HMX1: variants seen among roughly 807,000 people sequenced by gnomAD.
The protein encoded by HMX1 is H6 family homeobox 1.
A neutral mutation model predicts 8.9 loss-of-function variants in HMX1; 8 were observed. The ratio of observed to expected loss-of-function variants is 0.90; its 90% CI spans 0.53 to 1.63. The LOEUF is 1.63. Ranked by LOEUF, HMX1 falls within the 40% of genes most tolerant of loss-of-function variation. HMX1 has a pLI of 0.00. For synonymous variants in HMX1, 311 were observed against 283.4 expected, an observed-to-expected ratio of 1.10 and a Z score of -0.98; for missense variants, 621 against 558.5, an observed-to-expected ratio of 1.11 and a Z score of -1.13.
At position 8,871,175 on chromosome 4, in the gene HMX1, A is replaced by G. The variant is rs1253287349; in HGVS notation, c.394+46T>C. On this transcript the variant is annotated intron_variant, in intron 1 of 1. Coordinates refer to ENST00000400677, the MANE Select transcript of HMX1 (RefSeq NM_018942.3). This position sits in a 1 kb window ranked among gnomAD's most constrained non-coding sequence, Gnocchi z 4.8. ...TCCCCCAGCAAATGCGCAGGGAGGA[A>G]GTCGGGCCCCACCGCCTGACCCACC... The G allele has an allele frequency of 3.7e-6, 5 of 1,349,596 alleles. No homozygotes were observed. The highest frequency in any genetic ancestry group is 6.8e-5 in the Admixed American group (2 of 29,370). The allele number at this position is 1,349,596 out of a possible 1,614,324, so 83.6% of individuals were successfully genotyped here.
At chr4:8,864,121 C>T (rs1263093889), downstream of HMX1, among the ~76,000 whole-genome samples, 1 of 152,210 alleles carries the variant, frequency 6.6e-6, no homozygotes, top group Non-Finnish European at 1.5e-5. Context: ...CCCACCACAG[C>T]ATGGGCCCTG....
At position 8,849,898 on chromosome 4, in the gene HMX1, T is replaced by C. The variant is rs568032514; in HGVS notation, c.395-3574A>G. 1.3e-5 allele frequency among the ~76,000 whole-genome samples: 2 copies of C among 152,332 alleles called. No individual in the cohort carries two copies. The highest frequency in any genetic ancestry group is 4.1e-4 in the South Asian group (2 of 4,834). On this transcript the variant is annotated intron_variant, in intron 1 of 1. Transcript: ENST00000506970. This position sits in a 1 kb window ranked among gnomAD's most constrained non-coding sequence, Gnocchi z 6.6. ...ATGAGGGTTCTCTGCCCTTGCTTCC[T>C]GTCAGGGGGGCCCGATGGGAGGGAC...
Position 8,867,457 on chromosome 4 carries a change from C to A in HMX1, c.*236G>T. 1 of 1,136,656 alleles carries A rather than the reference C, an allele frequency of 8.8e-7. No homozygotes were observed. The highest frequency in any genetic ancestry group is 1.1e-6 in the Non-Finnish European group (1 of 928,026). The allele number at this position is 1,136,656 out of a possible 1,614,324, so 70.4% of individuals were successfully genotyped here. A position where few individuals can be genotyped will look rare whatever the true frequency, so the allele number is the denominator to read the frequency against. ...GCGCAGCCCAGAGTCTCTGCATGGCCCCCTGTTCGAGTGGGGATCCAGCCT... is the reference window on the plus strand; with the variant it reads ...GCGCAGCCCAGAGTCTCTGCATGGCACCCTGTTCGAGTGGGGATCCAGCCT... On this transcript the variant is annotated 3_prime_UTR_variant, in exon 2 of 2. Transcript: ENST00000400677.
intron 1 of HMX1, among the ~76,000 whole-genome samples, chr4:8,860,996 C>A (rs1372103200): frequency 2.6e-5 from 3 of 116,152 alleles, no homozygotes; most frequent in Non-Finnish European, 5.4e-5. Flanking sequence ...GGGCCGGAAC[C>A]GCGGGGAGGG....
chr4:8,850,388 G>A (rs921926044), intron 1 of HMX1, among the ~76,000 whole-genome samples: 2 of 152,054 alleles, frequency 1.3e-5, no homozygotes, highest in African/African-American at 4.8e-5. Context: ...CCACCGCCCC[G>A]GTCTCCACTG....
At chr4:8,855,021 G>A (rs564160245) in intron 1 of HMX1, among the ~76,000 whole-genome samples, 1 of 152,328 alleles carries the variant, frequency 6.6e-6, no homozygotes, top group Non-Finnish European at 1.5e-5. Flanking sequence ...AGTACAGTGA[G>A]TCACCACACA....
chr4:8,852,091 C>A lies in HMX1; in HGVS notation c.395-5767G>T, dbSNP rs188984108. Among the ~76,000 whole-genome samples, 73 of 152,378 alleles carry A rather than the reference C, an allele frequency of 4.8e-4. 1 individual carries two copies. The highest frequency in any genetic ancestry group is 1.6e-3 in the African/African-American group (66 of 41,598). On this transcript the variant is annotated intron_variant, in intron 1 of 1. Coordinates refer to the HMX1 transcript ENST00000506970. ...CTCTCCTGACCCTTCCAAGCCCCGG[C>A]TCTGGCTCCAAGGGGCTGTGGGCAA...
chr4:8,862,675 GTTGGA>G (rs1721867006), downstream of HMX1, among the ~76,000 whole-genome samples: 1 of 152,232 alleles, frequency 6.6e-6, no homozygotes, highest in Admixed American at 6.5e-5. Flanking sequence ...GGCTTTTGAT[GTTGGA>G]AGTGCAGACG....
Position 8,853,975 on chromosome 4 carries a change from C to A in HMX1, c.395-7651G>T, listed in dbSNP as rs375273750. Among the ~76,000 whole-genome samples, 10 of 152,132 alleles carry A rather than the reference C, an allele frequency of 6.6e-5. No homozygotes were observed. The highest frequency in any genetic ancestry group is 2.2e-4 in the African/African-American group (9 of 41,422). On this transcript the variant is annotated intron_variant, in intron 1 of 1. Coordinates refer to the HMX1 transcript ENST00000506970. The surrounding 1 kb of genome is among the most constrained non-coding windows in gnomAD (Gnocchi z 4.7). Reference sequence around the variant, plus strand: ...TTGCTTTTGCGTTTACATCTTGAACCAGCCTGAGAGGAAGTGTGTGCCCTG... The same window carrying A: ...TTGCTTTTGCGTTTACATCTTGAACAAGCCTGAGAGGAAGTGTGTGCCCTG...
At chr4:8,855,899 G>T (rs1260403659) in intron 1 of HMX1, among the ~76,000 whole-genome samples, 1 of 152,186 alleles carries the variant, frequency 6.6e-6, no homozygotes, top group Non-Finnish European at 1.5e-5. Context: ...TTCCTGTACG[G>T]GGCCAGCCTG....
At chr4:8,851,676 A>G (rs949239576) in intron 1 of HMX1, among the ~76,000 whole-genome samples, 1 of 152,202 alleles carries the variant, frequency 6.6e-6, no homozygotes, top group African/African-American at 2.4e-5. Context: ...CTCAGGCATG[A>G]ATCTGCCATG....
chr4:8,871,519 T>C lies in HMX1; in HGVS notation c.96A>G (p.Ala32=). 7.5e-7 allele frequency: 1 copy of C among 1,337,634 alleles called. No individual in the cohort carries two copies. Among genetic ancestry groups the C allele is most frequent in the South Asian group, 1.7e-5 (1 of 59,590 alleles). The allele number at this position is 1,337,634 out of a possible 1,614,324, so 82.9% of individuals were successfully genotyped here. The change falls in exon 1 of 2, where the codon GCA becomes GCG. Residue 32 remains alanine (A), a synonymous_variant. Coordinates refer to ENST00000400677, the MANE Select transcript of HMX1 (RefSeq NM_018942.3). This position sits in a 1 kb window ranked among gnomAD's most constrained non-coding sequence, Gnocchi z 4.8. ...TGCCGTCGCCCTGGGTCGCGCGCCC[T>C]GCGCCCTTGGCCTCGGCCGCCAGCA... ...ENLLAAEAKG[A]GRATQGDGSR...
At chr4:8,863,566 G>T (rs1180031448), downstream of HMX1, among the ~76,000 whole-genome samples, 1 of 152,260 alleles carries the variant, frequency 6.6e-6, no homozygotes, top group Non-Finnish European at 1.5e-5. Context: ...CGCCTGAATG[G>T]GAGTCGGCGG....
At chr4:8,846,324 C>T (rs1311913154) in exon 2 of HMX1, 1 of 1,533,852 alleles carries the variant, frequency 6.5e-7, no homozygotes. Context: ...CTTCTGTGTG[C>T]CTGCAGGGGA....
intron 1 of HMX1, among the ~76,000 whole-genome samples, chr4:8,859,585 C>CACCCT (rs1337517787): frequency 7.2e-5 from 11 of 152,136 alleles, no homozygotes; most frequent in African/African-American, 2.4e-4. Flanking sequence ...CCGGAGCTGA[C>CACCCT]ACCCTCCCCC....
Position 8,867,990 on chromosome 4 carries a change from C to CG in HMX1, c.749_750insC (p.Trp250CysfsTer130). The CG allele has an allele frequency of 6.5e-7, 1 of 1,537,630 alleles. No individual in the cohort carries two copies. On this transcript the variant is annotated frameshift_variant, in exon 2 of 2. Coordinates refer to ENST00000400677, the MANE Select transcript of HMX1 (RefSeq NM_018942.3). LOFTEE classifies it low-confidence loss of function (END_TRUNC). Reference sequence around the variant, plus strand: ...TCCACTTGTTGCGGCGGTTCTGGAACCAGATCTTAACCTGCGTCTCGGTGA... The same window carrying CG: ...TCCACTTGTTGCGGCGGTTCTGGAACGCAGATCTTAACCTGCGTCTCGGTGA...
chr4:8,866,125 C>A (rs1721987483), downstream of HMX1, among the ~76,000 whole-genome samples: 1 of 151,710 alleles, frequency 6.6e-6, no homozygotes, highest in African/African-American at 2.4e-5. Flanking sequence ...AACTGATGGG[C>A]CGGGGCGGGG....
At chr4:8,857,973 G>T (rs1036695783) in intron 1 of HMX1, among the ~76,000 whole-genome samples, 4 of 152,122 alleles carry the variant, frequency 2.6e-5, no homozygotes, top group Admixed American at 2.6e-4. Flanking sequence ...GCGGAGGAGG[G>T]GTGAAGCCGA....
chr4:8,867,505 T>G lies in HMX1; in HGVS notation c.*188A>C. ...CCTGGCAAATGGGTGGGGCGTCCCA[T>G]TACATTCTAGAGGCGCTCCCCACAG... On this transcript the variant is annotated 3_prime_UTR_variant, in exon 2 of 2. Transcript: ENST00000400677. The G allele has an allele frequency of 1.3e-5, 15 of 1,157,796 alleles. No homozygotes were observed. Among genetic ancestry groups the G allele is most frequent in the East Asian group, 8.0e-5 (2 of 24,878 alleles). 71.7% of individuals were successfully genotyped at this position (1,157,796 alleles called of 1,614,324 possible). A position where few individuals can be genotyped will look rare whatever the true frequency, so the allele number is the denominator to read the frequency against.
Sources: allele counts gnomAD v4.1 joint callset (sites outside exome capture counted in the v4.1 genomes callset), GRCh38; gene constraint gnomAD v4.1.1; non-coding constraint Gnocchi (gnomAD v3.1); transcripts MANE v1.5; gene names NCBI Gene and HGNC (gene_info 2026-07-23, HGNC 2026-07-21).